The following DNAJC8 variants were observed in gnomAD, a reference collection of about 807,000 sequenced individuals.
The protein encoded by DNAJC8 is dnaJ homolog subfamily C member 8.
DNAJC8 carries 24 observed loss-of-function variants against 43.2 expected under a neutral mutation model. That is an observed-to-expected ratio of 0.56 (90% confidence interval 0.40 to 0.78). The LOEUF is 0.78. Among genes scored for constraint, DNAJC8 ranks in the 30% least tolerant of loss-of-function variants. The pLI is 0.00. For synonymous variants in DNAJC8, 83 were observed against 98.0 expected (o/e 0.85, Z 0.90); for missense variants, 207 against 299.4 (o/e 0.69, Z 2.28).
chr1:28,202,949 A>G (rs1486847448), intron 8 of DNAJC8, among the ~76,000 whole-genome samples: 2 of 152,176 alleles, frequency 1.3e-5, no homozygotes, highest in African/African-American at 4.8e-5. Context: ...TGCTTCACAA[A>G]TAACACTGAG....
chr1:28,221,333 C>CT (rs1395025480), intron 2 of DNAJC8, among the ~76,000 whole-genome samples: 21 of 151,990 alleles, frequency 1.4e-4, no homozygotes, highest in Non-Finnish European at 5.9e-5. Flanking sequence ...GAAGGAAACT[C>CT]TGTCTCAAAA....
In DNAJC8 at chr1:28,200,843, C is replaced by A; in HGVS notation, c.*405G>T. 2.8e-6 allele frequency: 1 copy of A among 361,474 alleles called. No individual in the cohort carries two copies. Among genetic ancestry groups the A allele is most frequent in the Non-Finnish European group, 5.4e-6 (1 of 184,518 alleles). The allele number at this position is 361,474 out of a possible 1,614,324, so 22.4% of individuals were successfully genotyped here. On this transcript the variant is annotated 3_prime_UTR_variant, in exon 9 of 9. Transcript: ENST00000263697. ...TGAAGCGAAGGGGCTTCCTAAGGTG[C>A]CCCTTCCAGGCTTGTCTCTGAAGTC...
At chr1:28,205,211 T>C (rs2149014838) in intron 7 of DNAJC8, 47 bp downstream of exon 7, 1 of 1,399,714 alleles carries the variant, frequency 7.1e-7, no homozygotes, top group Middle Eastern at 2.5e-4. Context: ...CAATGTTAGT[T>C]AATCTAGGTA....
intron 3 of DNAJC8, among the ~76,000 whole-genome samples, chr1:28,213,422 T>C (rs972463054): frequency 6.6e-6 from 1 of 151,890 alleles, no homozygotes; most frequent in Non-Finnish European, 1.5e-5. Context: ...TATAAAGTTA[T>C]ATAATGGGAT....
intron 3 of DNAJC8, among the ~76,000 whole-genome samples, chr1:28,212,906 T>A (rs1339009586): frequency 6.6e-6 from 1 of 152,216 alleles, no homozygotes; most frequent in Non-Finnish European, 1.5e-5. Context: ...TATATCTAAT[T>A]GGGCTGATAT....
At chr1:28,218,094 CTTTTT>C (rs34973122) in intron 2 of DNAJC8, among the ~76,000 whole-genome samples, 1 of 122,348 alleles carries the variant, frequency 8.2e-6, no homozygotes, top group Non-Finnish European at 1.7e-5. Context: ...GGTTTCTATT[CTTTTT>C]TTTTTTTTTT....
chr1:28,216,878 G>A lies in DNAJC8; in HGVS notation c.181-1882C>T, dbSNP rs1397095301. ...GGCTGGAGTGCAATGGTGTGATCTC[G>A]GCTCACTGCCACCTCCGCCTCCCAG... On this transcript the variant is annotated intron_variant, in intron 2 of 8. Coordinates refer to ENST00000263697, the MANE Select transcript of DNAJC8 (RefSeq NM_014280.3). Among the ~76,000 whole-genome samples, 36 of 145,388 alleles carry A rather than the reference G, an allele frequency of 2.5e-4. No homozygotes were observed. The Middle Eastern group carries it at 0.011, about 44-fold the overall frequency.
At chr1:28,204,808 A>C (rs1012986789) in intron 7 of DNAJC8, among the ~76,000 whole-genome samples, 1 of 152,184 alleles carries the variant, frequency 6.6e-6, no homozygotes, top group African/African-American at 2.4e-5. Context: ...GCAGATCACG[A>C]GGTCAGGAGA....
chr1:28,223,713 C>CAAA lies in DNAJC8; in HGVS notation c.180+5206_180+5208dup, dbSNP rs750905346. On this transcript the variant is annotated intron_variant, in intron 2 of 8. Coordinates refer to ENST00000263697, the MANE Select transcript of DNAJC8 (RefSeq NM_014280.3). ...GCAACATAGTGAGACCTTGTCTTTA[C>CAAA]AAAAAAAAAAAAAAGAAAAAAAGAA... Among the ~76,000 whole-genome samples, 357 of 106,540 alleles carry CAAA rather than the reference C, an allele frequency of 3.4e-3. 6 individuals are homozygous for CAAA. The highest frequency in any genetic ancestry group is 0.011 in the African/African-American group (346 of 31,340). 69.9% of individuals were successfully genotyped at this position (106,540 alleles called of 152,430 possible).
intron 8 of DNAJC8, among the ~76,000 whole-genome samples, chr1:28,202,594 T>C (rs1252278593): frequency 8.4e-5 from 12 of 143,402 alleles, no homozygotes; most frequent in African/African-American, 2.6e-4. Context: ...TTTTCTTTTT[T>C]TTTTTTTTTT....
At position 28,203,679 on chromosome 1, in the gene DNAJC8, T is replaced by G. The variant is rs1646751277; in HGVS notation, c.639+68A>C. 2.7e-6 allele frequency: 4 copies of G among 1,504,356 alleles called. No homozygotes were observed. The African/African-American group carries it at 5.5e-5, about 21-fold the overall frequency. 93.2% of individuals were successfully genotyped at this position (1,504,356 alleles called of 1,614,324 possible). ...CCCCTCTGACTGCCCCACTCAGTCCTGGGAGCGCCACAGGAACCAAGCTGC... is the reference window on the plus strand; with the variant it reads ...CCCCTCTGACTGCCCCACTCAGTCCGGGGAGCGCCACAGGAACCAAGCTGC... On this transcript the variant is annotated intron_variant, in intron 8 of 8. Transcript: ENST00000263697.
chr1:28,231,979 T>C (rs1449631770), intron 1 of DNAJC8, among the ~76,000 whole-genome samples: 1 of 152,056 alleles, frequency 6.6e-6, no homozygotes, highest in Non-Finnish European at 1.5e-5. Context: ...GTGGTCTCGA[T>C]CTCCTGACCT....
chr1:28,204,599 C>T (rs773435124), intron 7 of DNAJC8, among the ~76,000 whole-genome samples: 1 of 152,186 alleles, frequency 6.6e-6, no homozygotes, highest in East Asian at 1.9e-4. Context: ...GATGACACTA[C>T]AGTACTATAC....
At chr1:28,222,974 A>G (rs1283057420) in intron 2 of DNAJC8, among the ~76,000 whole-genome samples, 3 of 152,160 alleles carry the variant, frequency 2.0e-5, no homozygotes, top group African/African-American at 7.2e-5. Context: ...AGTAGAATCC[A>G]ACACAGGGTG....
At chr1:28,221,880 T>C (rs548498634) in intron 2 of DNAJC8, among the ~76,000 whole-genome samples, 48 of 152,326 alleles carry the variant, frequency 3.2e-4, no homozygotes, top group African/African-American at 1.1e-3. Flanking sequence ...AAATGTGGTA[T>C]ATCCATACAA....
intron 2 of DNAJC8, among the ~76,000 whole-genome samples, chr1:28,218,828 G>A (rs552672519): frequency 1.3e-5 from 2 of 152,100 alleles, no homozygotes; most frequent in Non-Finnish European, 2.9e-5. Context: ...ACTTCCCAAG[G>A]AGAAAGGAAT....
In DNAJC8 at chr1:28,200,936, A is replaced by T. The variant is rs887590997; in HGVS notation, c.*312T>A. The T allele has an allele frequency of 7.5e-6, 3 of 398,872 alleles. No homozygotes were observed. The highest frequency in any genetic ancestry group is 2.1e-5 in the African/African-American group (1 of 48,612). 24.7% of individuals were successfully genotyped at this position (398,872 alleles called of 1,614,324 possible). On this transcript the variant is annotated 3_prime_UTR_variant, in exon 9 of 9. Transcript: ENST00000263697. ...CCACAAACTATCCACGAAGTTTCTA[A>T]CCATCACAATTCAGTGAAGTACAAA...
intron 3 of DNAJC8, among the ~76,000 whole-genome samples, chr1:28,212,594 A>G (rs966548111): frequency 5.0e-4 from 76 of 151,722 alleles, no homozygotes; most frequent in African/African-American, 1.7e-3. Flanking sequence ...TCTTTTTTCT[A>G]TATAAAATTT....
At chr1:28,222,629 C>A (rs1416356754) in intron 2 of DNAJC8, among the ~76,000 whole-genome samples, 3 of 151,710 alleles carry the variant, frequency 2.0e-5, no homozygotes, top group Non-Finnish European at 4.4e-5. Context: ...AATCCAAATC[C>A]ATTAAGTGGG....
Sources: gnomAD v4.1 joint callset for allele counts (sites outside exome capture counted in the v4.1 genomes callset) on GRCh38, gnomAD v4.1.1 for gene constraint, MANE v1.5 for transcripts, NCBI Gene and HGNC (gene_info 2026-07-23, HGNC 2026-07-21) for gene names.